Variants in ADAMTS3 observed in about 807,000 individuals in gnomAD.
ADAMTS3 encodes the protein ADAM metallopeptidase with thrombospondin type 1 motif 3.
ADAMTS3 carries 73 observed loss-of-function variants against 129.0 expected under a neutral mutation model. The ratio of observed to expected loss-of-function variants is 0.57; its 90% CI spans 0.47 to 0.69. ADAMTS3 has a LOEUF of 0.69. Ranked by LOEUF, ADAMTS3 falls within the 30% of genes least tolerant of loss-of-function variation. The pLI is 0.00. For synonymous variants in ADAMTS3, 477 were observed against 510.8 expected (o/e 0.93, Z 0.89); for missense variants, 1,457 against 1,514.5 (o/e 0.96, Z 0.63).
chr4:72,432,721 G>A (rs1722728464), intron 3 of ADAMTS3, among the ~76,000 whole-genome samples: 1 of 151,924 alleles, frequency 6.6e-6, no homozygotes, highest in Admixed American at 6.6e-5. Flanking sequence ...CCTCTTCATT[G>A]TATGCTGATG....
intron 5 of ADAMTS3, among the ~76,000 whole-genome samples, chr4:72,329,081 G>A (rs977421528): frequency 6.6e-6 from 1 of 152,116 alleles, no homozygotes; most frequent in African/African-American, 2.4e-5. Flanking sequence ...CAGTGGCTAT[G>A]TGCCCAAATG....
In ADAMTS3 at chr4:72,462,562, GAGCTGAA is replaced by G. The variant is rs1718799745; in HGVS notation, c.505-47598_505-47592del. On this transcript the variant is annotated intron_variant, in intron 3 of 21. Coordinates refer to ENST00000286657, the MANE Select transcript of ADAMTS3 (RefSeq NM_014243.3). The stretch of plus-strand genomic sequence containing the variant: ...ATGATGGTCCCGTAGGATTCCAATG[GAGCTGAA>G]AATTTCCTATCACCCTGTGACGTCT... 2.0e-5 allele frequency among the ~76,000 whole-genome samples: 3 copies of G among 151,944 alleles called. No homozygotes were observed. The South Asian group carries it at 6.2e-4, about 32-fold the overall frequency.
At chr4:72,519,860 G>A (rs539234309) in intron 3 of ADAMTS3, among the ~76,000 whole-genome samples, 1 of 152,312 alleles carries the variant, frequency 6.6e-6, no homozygotes, top group East Asian at 1.9e-4. Flanking sequence ...TCTCCATCCA[G>A]CTTTGTTCCA....
intron 15 of ADAMTS3, 105 bp from the exon 16 acceptor site, chr4:72,306,172 G>T: frequency 1.4e-6 from 1 of 705,470 alleles, no homozygotes; most frequent in Admixed American, 3.2e-5. Context: ...GCAGAAGAGG[G>T]CATCCATAAA....
intron 3 of ADAMTS3, among the ~76,000 whole-genome samples, chr4:72,441,111 A>G (rs1718101096): frequency 6.6e-6 from 1 of 151,708 alleles, no homozygotes; most frequent in African/African-American, 2.4e-5. Context: ...GATTTCTAAC[A>G]TCATAGATTG....
At chr4:72,464,568 T>C (rs1718868036) in intron 3 of ADAMTS3, among the ~76,000 whole-genome samples, 1 of 152,044 alleles carries the variant, frequency 6.6e-6, no homozygotes, top group African/African-American at 2.4e-5. Flanking sequence ...AAACATTTAT[T>C]GAACATTTAC....
chr4:72,321,881 A>AT (rs985028204), intron 6 of ADAMTS3, among the ~76,000 whole-genome samples: 1 of 152,108 alleles, frequency 6.6e-6, no homozygotes, highest in African/African-American at 2.4e-5. Flanking sequence ...CTACCATCAC[A>AT]TTAGGGTCAG....
At chr4:72,417,774 C>CA (rs1402484725) in intron 3 of ADAMTS3, among the ~76,000 whole-genome samples, 3 of 150,080 alleles carry the variant, frequency 2.0e-5, no homozygotes, top group African/African-American at 4.9e-5. Flanking sequence ...ACTAAAAATA[C>CA]AAAAAAAAAT....
rs1210342336 is a variant in ADAMTS3 at position 72,283,380 on chromosome 4, T to G, written c.3374A>C (p.Asp1125Ala). 10 of 1,613,474 alleles carry G rather than the reference T, an allele frequency of 6.2e-6. No homozygotes were observed. The Admixed American group carries it at 6.7e-5, about 11-fold the overall frequency. The change falls in exon 22 of 22, where the codon GAT (aspartate) becomes GCT (alanine). Residue 1125 changes from aspartate to alanine, a missense_variant. Physicochemically the swap from Asp to Ala is moderately radical, Grantham distance 126. Coordinates refer to ENST00000286657, the MANE Select transcript of ADAMTS3 (RefSeq NM_014243.3). ...YAAFRPNSKP[D>A]GANLRQRSAQ... ...ACTCCTCTGGCGTAAATTAGCACCA[T>G]CAGGTTTACTGTTTGGCCTGAAAGC...
At chr4:72,541,043 C>T (rs1721310087) in intron 3 of ADAMTS3, among the ~76,000 whole-genome samples, 1 of 152,170 alleles carries the variant, frequency 6.6e-6, no homozygotes, top group African/African-American at 2.4e-5. Flanking sequence ...CCACCAACAG[C>T]TTGCACCACA....
intron 3 of ADAMTS3, among the ~76,000 whole-genome samples, chr4:72,486,798 G>A (rs1719602007): frequency 6.6e-6 from 1 of 152,136 alleles, no homozygotes; most frequent in Admixed American, 6.6e-5. Context: ...TGCCAGCATG[G>A]ACAGAATACT....
chr4:72,464,515 A>G (rs1221930903), intron 3 of ADAMTS3, among the ~76,000 whole-genome samples: 1 of 152,044 alleles, frequency 6.6e-6, no homozygotes, highest in Admixed American at 6.6e-5. Flanking sequence ...ATTTTACAGA[A>G]AACTATAAAT....
At chr4:72,299,806 G>A (rs1174923940) in intron 17 of ADAMTS3, among the ~76,000 whole-genome samples, 1 of 152,188 alleles carries the variant, frequency 6.6e-6, no homozygotes, top group East Asian at 1.9e-4. Flanking sequence ...TATTGGAACT[G>A]TACACATTTT....
chr4:72,455,854 ATATATAG>A (rs1302436234), intron 3 of ADAMTS3, among the ~76,000 whole-genome samples: 1,819 of 120,816 alleles, frequency 0.015, 99 homozygotes, highest in African/African-American at 0.058. Context: ...TATATATTTT[ATATATAG>A]TATATACACT....
intron 4 of ADAMTS3, among the ~76,000 whole-genome samples, chr4:72,385,985 G>C (rs1278482937): frequency 2.0e-5 from 3 of 152,008 alleles, no homozygotes; most frequent in South Asian, 4.2e-4. Context: ...TGATTTCCAT[G>C]TATTTTTTTT....
At chr4:72,304,878 T>TAA (rs1719044013) in intron 16 of ADAMTS3, among the ~76,000 whole-genome samples, 1 of 152,096 alleles carries the variant, frequency 6.6e-6, no homozygotes, top group African/African-American at 2.4e-5. Context: ...TGGTCTATTT[T>TAA]TTCCAAGGAC....
intron 5 of ADAMTS3, among the ~76,000 whole-genome samples, chr4:72,325,288 T>C (rs1000097347): frequency 1.3e-5 from 2 of 151,892 alleles, no homozygotes; most frequent in African/African-American, 4.8e-5. Flanking sequence ...ATGGGCTTTT[T>C]AGTCATGGGC....
At chr4:72,345,594 A>G (rs1720259128) in intron 4 of ADAMTS3, among the ~76,000 whole-genome samples, 1 of 152,160 alleles carries the variant, frequency 6.6e-6, no homozygotes. Flanking sequence ...AGGTCAAGTT[A>G]TGATGTCAAT....
At chr4:72,502,125 T>C (rs1225524716) in intron 3 of ADAMTS3, among the ~76,000 whole-genome samples, 1 of 152,144 alleles carries the variant, frequency 6.6e-6, no homozygotes, top group African/African-American at 2.4e-5. Context: ...AATGCTGGCT[T>C]TATAGAATGA....
Sources: allele counts gnomAD v4.1 joint callset (sites outside exome capture counted in the v4.1 genomes callset), GRCh38; gene constraint gnomAD v4.1.1; transcripts MANE v1.5; gene names NCBI Gene and HGNC (gene_info 2026-07-23, HGNC 2026-07-21).